Variants in HS3ST2 observed in about 807,000 individuals in gnomAD.
HS3ST2 encodes heparan sulfate-glucosamine 3-sulfotransferase 2.
A neutral mutation model predicts 26.3 loss-of-function variants in HS3ST2; 17 were observed. The observed-to-expected ratio is 0.65, with a 90% CI of 0.44 to 0.97. HS3ST2 has a LOEUF of 0.97. HS3ST2 is among the 50% of genes least tolerant of loss of function. The pLI is 0.00. For missense variants in HS3ST2, 402 were observed against 501.2 expected (o/e 0.80, Z 1.89); for synonymous variants, 237 against 219.2 (o/e 1.08, Z -0.72).
In HS3ST2 at chr16:22,915,577, A is replaced by G. The variant is rs1260326961; in HGVS notation, c.*15A>G. On this transcript the variant is annotated 3_prime_UTR_variant, in exon 2 of 2. Transcript: ENST00000261374. ...GGTGGGAATAAGCCCACGAAAGGAA[A>G]GGGCTCTCAAGGGCTCTTCTGCTCA... 2 of 1,598,504 alleles carry G rather than the reference A, an allele frequency of 1.3e-6. No homozygotes were observed. The highest frequency in any genetic ancestry group is 1.7e-6 in the Non-Finnish European group (2 of 1,172,518).
chr16:22,860,827 T>C (rs1056582447), intron 1 of HS3ST2, among the ~76,000 whole-genome samples: 2 of 150,540 alleles, frequency 1.3e-5, no homozygotes, highest in Admixed American at 6.6e-5. Flanking sequence ...CAATATATGG[T>C]AGAATATATA....
At chr16:22,847,011 C>T (rs539929114) in intron 1 of HS3ST2, among the ~76,000 whole-genome samples, 2 of 152,192 alleles carry the variant, frequency 1.3e-5, no homozygotes, top group South Asian at 2.1e-4. Flanking sequence ...TAGGGGTACA[C>T]GTGCAGGTTT....
Position 22,843,960 on chromosome 16 carries a change from G to A in HS3ST2, c.485+28865G>A, listed in dbSNP as rs537843453. 2.8e-4 allele frequency among the ~76,000 whole-genome samples: 43 copies of A among 152,020 alleles called. 1 individual carries two copies. Among genetic ancestry groups the A allele is most frequent in the African/African-American group, 1.0e-3 (43 of 41,452 alleles). On this transcript the variant is annotated intron_variant, in intron 1 of 1. Transcript: ENST00000261374. ...TCACCCAACATTATAACAAAAGACT[G>A]TAACAAGGGATATGGGAGTTATGAA... is the stretch of plus-strand genomic sequence containing the variant.
intron 1 of HS3ST2, among the ~76,000 whole-genome samples, chr16:22,851,222 T>A (rs137887928): frequency 6.6e-6 from 1 of 152,360 alleles, no homozygotes; most frequent in East Asian, 1.9e-4. Flanking sequence ...CCATCTCTTA[T>A]GTGAAGAGCA....
chr16:22,888,503 C>G (rs901759436), intron 1 of HS3ST2, among the ~76,000 whole-genome samples: 2 of 151,568 alleles, frequency 1.3e-5, no homozygotes, highest in Non-Finnish European at 2.9e-5. Context: ...TCTCCTGCCT[C>G]AGGCTCCTGA....
At chr16:22,888,373 C>CTTTTCT (rs1902088836) in intron 1 of HS3ST2, among the ~76,000 whole-genome samples, 2 of 61,302 alleles carry the variant, frequency 3.3e-5, no homozygotes, top group African/African-American at 6.4e-5. Flanking sequence ...TCTGGCTTTT[C>CTTTTCT]TTTTTTTTTT....
At chr16:22,914,736 C>CAAAAAAAAAAAAAA (rs1159639879) in intron 1 of HS3ST2, among the ~76,000 whole-genome samples, 1 of 35,942 alleles carries the variant, frequency 2.8e-5, no homozygotes. Context: ...GACCTTGTCT[C>CAAAAAAAAAAAAAA]AAAAAAAAAA....
chr16:22,898,119 G>A lies in HS3ST2; in HGVS notation c.486-16825G>A, dbSNP rs536597326. On this transcript the variant is annotated intron_variant, in intron 1 of 1. Transcript: ENST00000261374. ...ATTTAACAAGCACAATATTTGGTGG[G>A]TATGATTCATTCTCTTTTGCCTGCC... Among the ~76,000 whole-genome samples the A allele has an allele frequency of 2.6e-5, 4 of 152,282 alleles. No individual in the cohort carries two copies. In the South Asian group the frequency reaches 8.3e-4, roughly 32 times the overall value.
At chr16:22,895,691 G>A (rs1212018717) in intron 1 of HS3ST2, among the ~76,000 whole-genome samples, 1 of 151,806 alleles carries the variant, frequency 6.6e-6, no homozygotes, top group African/African-American at 2.4e-5. Flanking sequence ...CTGTCAACTT[G>A]CTCTAAAAGT....
intron 1 of HS3ST2, among the ~76,000 whole-genome samples, chr16:22,878,972 G>T (rs1054159552): frequency 5.3e-5 from 8 of 152,220 alleles, no homozygotes; most frequent in African/African-American, 1.9e-4. Context: ...AGGGCAGAGG[G>T]TCTCCTGGCG....
intron 1 of HS3ST2, among the ~76,000 whole-genome samples, chr16:22,895,070 CTTTTTTTTT>C (rs55861016): frequency 1.5e-5 from 2 of 134,724 alleles, no homozygotes; most frequent in East Asian, 2.2e-4. Context: ...TTCTTTCTTT[CTTTTTTTTT>C]TTTTTTTGTT....
At chr16:22,825,324 T>C (rs2141176074) in intron 1 of HS3ST2, among the ~76,000 whole-genome samples, 1 of 152,294 alleles carries the variant, frequency 6.6e-6, no homozygotes, top group East Asian at 1.9e-4. Context: ...AAAAGCCTGT[T>C]AGTTGTCATT....
intron 1 of HS3ST2, among the ~76,000 whole-genome samples, chr16:22,908,262 G>A (rs1902380068): frequency 6.6e-6 from 1 of 152,136 alleles, no homozygotes; most frequent in Non-Finnish European, 1.5e-5. Flanking sequence ...TAGGTTGTTG[G>A]CTTCATTTAA....
intron 1 of HS3ST2, among the ~76,000 whole-genome samples, chr16:22,835,475 A>T (rs1901241788): frequency 6.6e-6 from 1 of 152,164 alleles, no homozygotes; most frequent in Non-Finnish European, 1.5e-5. Context: ...TATCAAAACA[A>T]CAATAACACG....
chr16:22,898,522 A>G (rs1205648269), intron 1 of HS3ST2, among the ~76,000 whole-genome samples: 1 of 152,218 alleles, frequency 6.6e-6, no homozygotes, highest in Non-Finnish European at 1.5e-5. Context: ...GAGCCAGGGT[A>G]AAGTGATCCA....
At chr16:22,894,619 C>T (rs1054973917) in intron 1 of HS3ST2, among the ~76,000 whole-genome samples, 3 of 151,962 alleles carry the variant, frequency 2.0e-5, no homozygotes, top group African/African-American at 4.8e-5. Context: ...GCCTCAGGGC[C>T]GGGTGCAGTG....
At chr16:22,818,684 CTCCTTGCCTGCCTTCCTTCCT>C (rs1900911547) in intron 1 of HS3ST2, among the ~76,000 whole-genome samples, 1 of 133,496 alleles carries the variant, frequency 7.5e-6, no homozygotes, top group African/African-American at 3.5e-5. Flanking sequence ...TCCTCCCTCC[CTCCTTGCCTGCCTTCCTTCCT>C]TCCCTCCTTC....
chr16:22,819,131 CATTCCTTCCT>C lies in HS3ST2; in HGVS notation c.485+4037_485+4046del, dbSNP rs1437711796. Among the ~76,000 whole-genome samples the C allele has an allele frequency of 3.6e-4, 19 of 52,098 alleles. 2 individuals are homozygous for C. The highest frequency in any genetic ancestry group is 1.4e-3 in the African/African-American group (18 of 12,808). The allele number at this position is 52,098 out of a possible 152,430, so 34.2% of individuals were successfully genotyped here. A position where few individuals can be genotyped will look rare whatever the true frequency, so the allele number is the denominator to read the frequency against. On this transcript the variant is annotated intron_variant, in intron 1 of 1. Coordinates refer to ENST00000261374, the MANE Select transcript of HS3ST2 (RefSeq NM_006043.2). ...TCCTTCCTTCCTTCCTTCCTTCCTTCATTCCTTCCTTCCTTCCTTCCTTCCCTCCTTCCTT... is the reference window on the plus strand; with the variant it reads ...TCCTTCCTTCCTTCCTTCCTTCCTTCTCCTTCCTTCCTTCCCTCCTTCCTT...
chr16:22,853,634 CTT>C (rs1901548863), intron 1 of HS3ST2, among the ~76,000 whole-genome samples: 1 of 152,148 alleles, frequency 6.6e-6, no homozygotes, highest in South Asian at 2.1e-4. Context: ...ATGGCAGAGA[CTT>C]CAAGATGAGA....
Sources: gnomAD v4.1 joint callset for allele counts (sites outside exome capture counted in the v4.1 genomes callset) on GRCh38, gnomAD v4.1.1 for gene constraint, MANE v1.5 for transcripts, NCBI Gene and HGNC (gene_info 2026-07-23, HGNC 2026-07-21) for gene names.